SEMA6B: variants seen among roughly 807,000 people sequenced by gnomAD.
SEMA6B encodes the protein semaphorin-6B.
In SEMA6B, 47 loss-of-function variants were observed where a neutral mutation model predicts 78.6. The observed-to-expected ratio is 0.60, with a 90% confidence interval of 0.47 to 0.76. The LOEUF is 0.76. Among genes scored for constraint, SEMA6B ranks in the 30% least tolerant of loss-of-function variants. The probability of loss-of-function intolerance (pLI) is 0.00; values close to 1 mark genes in which losing one functional copy is unlikely to be tolerated. For missense variants in SEMA6B, 1,213 were observed against 1,269.9 expected (o/e 0.96, Z 0.68); for synonymous variants, 632 against 592.2 (o/e 1.07, Z -0.98).
intron 12 of SEMA6B, among the ~76,000 whole-genome samples, chr19:4,548,702 CT>C (rs1385899812): frequency 6.6e-6 from 1 of 152,252 alleles, no homozygotes; most frequent in East Asian, 1.9e-4. Flanking sequence ...GAGTCTCACT[CT>C]GTCACCCAGG....
chr19:4,558,158 G>A lies in SEMA6B; in HGVS notation c.122-9C>T. 1 of 1,451,862 alleles carries A rather than the reference G, an allele frequency of 6.9e-7. No homozygotes were observed. Among genetic ancestry groups the A allele is most frequent in the South Asian group, 1.4e-5 (1 of 69,160 alleles). The allele number at this position is 1,451,862 out of a possible 1,614,324, so 89.9% of individuals were successfully genotyped here. A position where few individuals can be genotyped will look rare whatever the true frequency, so the allele number is the denominator to read the frequency against. ...GGGATAGTGGTTCAGGTCTGAGTGA[G>A]GGGGTGGAGAGGGGTGTGAGCAAGG... On this transcript the variant is annotated splice_polypyrimidine_tract_variant and intron_variant, in intron 2 of 16. Coordinates refer to ENST00000586582, the MANE Select transcript of SEMA6B (RefSeq NM_032108.4). This position sits in a 1 kb window ranked among gnomAD's most constrained non-coding sequence, Gnocchi z 5.1.
At position 4,555,831 on chromosome 19, in the gene SEMA6B, A is replaced by G. The variant is rs769331085; in HGVS notation, c.471+157T>C. ...TACAGGCCTCGTTTGGACAGCGCTG[A>G]CTCCTCTTGAGCTCAGGGGGAGGAG... On this transcript the variant is annotated intron_variant, in intron 6 of 16. Coordinates refer to ENST00000586582, the MANE Select transcript of SEMA6B (RefSeq NM_032108.4). This position sits in a 1 kb window ranked among gnomAD's most constrained non-coding sequence, Gnocchi z 6.1. Among the ~76,000 whole-genome samples, 27 of 151,946 alleles carry G rather than the reference A, an allele frequency of 1.8e-4. No individual in the cohort carries two copies. The highest frequency in any genetic ancestry group is 3.7e-4 in the Non-Finnish European group (25 of 67,990).
At chr19:4,554,549 G>A (rs759593044) in intron 8 of SEMA6B, 73 bp from the exon 9 acceptor site, 9 of 1,173,772 alleles carry the variant, frequency 7.7e-6, no homozygotes, top group Non-Finnish European at 1.1e-5. Flanking sequence ...GAACTCACTG[G>A]CTTTTATGGT....
At chr19:4,546,696 T>C (rs1007243169) in intron 14 of SEMA6B, among the ~76,000 whole-genome samples, 1 of 151,982 alleles carries the variant, frequency 6.6e-6, no homozygotes, top group Non-Finnish European at 1.5e-5. Flanking sequence ...GGGATTTTGG[T>C]TCACTGCAAC....
intron 14 of SEMA6B, among the ~76,000 whole-genome samples, chr19:4,547,073 C>G (rs1977188356): frequency 6.6e-6 from 1 of 152,078 alleles, no homozygotes; most frequent in African/African-American, 2.4e-5. Context: ...GATCCTCCTG[C>G]CTCAGCTTTC....
intron 10 of SEMA6B, 128 bp from the exon 11 acceptor site, chr19:4,551,058 G>A: frequency 9.6e-7 from 1 of 1,036,802 alleles, no homozygotes; most frequent in South Asian, 1.5e-5. Flanking sequence ...GATGTCCCCT[G>A]TCCCTCCCGC....
Position 4,555,109 on chromosome 19 carries a change from GT to G in SEMA6B, c.563-15del. ...AGAGCATCCCGTCTGGATGGGGTGG[GT>G]GGGGAAGGCAGGCAAGAGATGAGAC... On this transcript the variant is annotated splice_polypyrimidine_tract_variant and intron_variant, in intron 7 of 16. Transcript: ENST00000586582. This position sits in a 1 kb window ranked among gnomAD's most constrained non-coding sequence, Gnocchi z 6.1. 1 of 1,613,326 alleles carries G rather than the reference GT, an allele frequency of 6.2e-7. No homozygotes were observed. The highest frequency in any genetic ancestry group is 8.5e-7 in the Non-Finnish European group (1 of 1,179,878).
Position 4,548,086 on chromosome 19 carries a change from G to A in SEMA6B, c.1542C>T (p.Phe514=). 1 of 1,592,282 alleles carries A rather than the reference G, an allele frequency of 6.3e-7. No homozygotes were observed. The highest frequency in any genetic ancestry group is 1.1e-5 in the South Asian group (1 of 90,104). ...DAASGGLLAA[F]PRCVVRVPVA... is the part of the protein sequence containing the mutation. ...CAGGCACTCGGACCACGCAGCGGGG[G>A]AAGGCAGCCAGCAGGCCCCCCGAAG... Residue 514 remains phenylalanine (F), a synonymous_variant, in exon 14 of 17, where the codon TTC becomes TTT. Coordinates refer to ENST00000586582, the MANE Select transcript of SEMA6B (RefSeq NM_032108.4).
Position 4,542,799 on chromosome 19 carries a change from G to A in SEMA6B, c.*802C>T, listed in dbSNP as rs779599144. 2.4e-5 allele frequency: 17 copies of A among 700,758 alleles called. No individual in the cohort carries two copies. The highest frequency in any genetic ancestry group is 1.2e-4 in the Admixed American group (6 of 49,948). 43.4% of individuals were successfully genotyped at this position (700,758 alleles called of 1,614,324 possible). ...CCCACCCACCTTCGCCGCCCCCCAG[G>A]CCCCCAAGCCCTTTAGACAGCTGCT... On this transcript the variant is annotated 3_prime_UTR_variant, in exon 17 of 17. Transcript: ENST00000586582.
In SEMA6B at chr19:4,548,590, C is replaced by T. The variant is rs79073239; in HGVS notation, c.1272-145G>A. 4,646 of 759,722 alleles carry T rather than the reference C, an allele frequency of 6.1e-3. 147 individuals are homozygous for T. The African/African-American group carries it at 0.072, about 12-fold the overall frequency. The allele number at this position is 759,722 out of a possible 1,614,324, so 47.1% of individuals were successfully genotyped here. On this transcript the variant is annotated intron_variant, in intron 12 of 16. Transcript: ENST00000586582. The stretch of plus-strand genomic sequence containing the variant: ...AATAAATGCGTGTGTGCATGGATGC[C>T]GGGGACATGCGTGACTACACAGGCA...
At position 4,552,247 on chromosome 19, in the gene SEMA6B, G is replaced by A. The variant is rs1306676598; in HGVS notation, c.989+175C>T. ...TCTTTGGCCCAGTTCTGACCAAAGG[G>A]ACTTAGAGGGTCAGTGTCAGCTTGT... On this transcript the variant is annotated intron_variant, in intron 10 of 16. Coordinates refer to ENST00000586582, the MANE Select transcript of SEMA6B (RefSeq NM_032108.4). This position sits in a 1 kb window ranked among gnomAD's most constrained non-coding sequence, Gnocchi z 7.4. Among the ~76,000 whole-genome samples, 1 of 152,164 alleles carries A rather than the reference G, an allele frequency of 6.6e-6. No individual in the cohort carries two copies. Among genetic ancestry groups the A allele is most frequent in the Non-Finnish European group, 1.5e-5 (1 of 68,028 alleles).
In SEMA6B at chr19:4,550,766, G is replaced by C. The variant is rs201715668; in HGVS notation, c.1121+33C>G. On this transcript the variant is annotated intron_variant, in intron 11 of 16. Coordinates refer to ENST00000586582, the MANE Select transcript of SEMA6B (RefSeq NM_032108.4). This position sits in a 1 kb window ranked among gnomAD's most constrained non-coding sequence, Gnocchi z 6.6. ...GGCCCTGGGGATCAGGACCTCATCCGGGCATGTGACTCAGGATGGAGGGGG... is the reference window on the plus strand; with the variant it reads ...GGCCCTGGGGATCAGGACCTCATCCCGGCATGTGACTCAGGATGGAGGGGG... 6.2e-7 allele frequency: 1 copy of C among 1,610,854 alleles called. No individual in the cohort carries two copies. Among genetic ancestry groups the C allele is most frequent in the African/African-American group, 1.3e-5 (1 of 74,846 alleles).
rs1395836330 is a variant in SEMA6B, at chr19:4,543,781, C to T, written c.2487G>A (p.Leu829=). Residue 829 remains leucine (L), a synonymous_variant, in exon 17 of 17, where the codon CTG becomes CTA. Coordinates refer to ENST00000586582, the MANE Select transcript of SEMA6B (RefSeq NM_032108.4). The stretch of plus-strand genomic sequence containing the variant: ...GGGCGTGGGGGCCCAGTGGCCTCCT[C>T]AGGCTGCCCGTCGGGGGCGGGCTCC... ...RPWSPPPTGS[L]RRPLGPHAPP... 1 of 1,221,212 alleles carries T rather than the reference C, an allele frequency of 8.2e-7. No homozygotes were observed. The highest frequency in any genetic ancestry group is 4.3e-5 in the Admixed American group (1 of 23,218). The allele number at this position is 1,221,212 out of a possible 1,614,324, so 75.6% of individuals were successfully genotyped here. A position where few individuals can be genotyped will look rare whatever the true frequency, so the allele number is the denominator to read the frequency against.
chr19:4,554,323 C>G (rs1181936731), intron 9 of SEMA6B, 65 bp downstream of exon 9: 1 of 1,304,600 alleles, frequency 7.7e-7, no homozygotes, highest in Non-Finnish European at 1.1e-6. Flanking sequence ...CATGGATCCA[C>G]CTCTGCCCCC....
In SEMA6B at chr19:4,555,866, G is replaced by A. The variant is rs1977453925; in HGVS notation, c.471+122C>T. 3 of 805,312 alleles carry A rather than the reference G, an allele frequency of 3.7e-6. No homozygotes were observed. Among genetic ancestry groups the A allele is most frequent in the East Asian group, 2.5e-5 (1 of 40,586 alleles). 49.9% of individuals were successfully genotyped at this position (805,312 alleles called of 1,614,324 possible). Reference sequence around the variant, plus strand: ...AGCTCAGGGGGAGGAGGCAGGGAGAGTATATCCAGGAAGGCTTCCTGGAGG... The same window carrying A: ...AGCTCAGGGGGAGGAGGCAGGGAGAATATATCCAGGAAGGCTTCCTGGAGG... On this transcript the variant is annotated intron_variant, in intron 6 of 16. Coordinates refer to ENST00000586582, the MANE Select transcript of SEMA6B (RefSeq NM_032108.4). This position sits in a 1 kb window ranked among gnomAD's most constrained non-coding sequence, Gnocchi z 6.1.
At chr19:4,557,927 C>A (rs1017211157) in intron 3 of SEMA6B, 99 bp downstream of exon 3, 27 of 1,082,500 alleles carry the variant, frequency 2.5e-5, no homozygotes, top group Non-Finnish European at 3.2e-5. Flanking sequence ...ACAGGCCCTG[C>A]ACGACCTGCT....
rs1977304609 is a variant in SEMA6B at position 4,550,647 on chromosome 19, A to C, written c.1121+152T>G. On this transcript the variant is annotated intron_variant, in intron 11 of 16. Transcript: ENST00000586582. This position sits in a 1 kb window ranked among gnomAD's most constrained non-coding sequence, Gnocchi z 6.6. Reference sequence around the variant, plus strand: ...CCAAAGGGCTAGGATTACAGGCGTGAGCCACCACACCAGGCCTCAGTTTTT... The same window carrying C: ...CCAAAGGGCTAGGATTACAGGCGTGCGCCACCACACCAGGCCTCAGTTTTT... 1.0e-6 allele frequency: 1 copy of C among 964,444 alleles called. No individual in the cohort carries two copies. Among genetic ancestry groups the C allele is most frequent in the Middle Eastern group, 3.3e-4 (1 of 3,010 alleles). 59.7% of individuals were successfully genotyped at this position (964,444 alleles called of 1,614,324 possible). A position where few individuals can be genotyped will look rare whatever the true frequency, so the allele number is the denominator to read the frequency against.
rs200122401 is a variant in SEMA6B at position 4,548,054 on chromosome 19, C to T, written c.1574G>A (p.Arg525His). Residue 525 changes from arginine (R) to histidine (H), a missense_variant, in exon 14 of 17, where the codon CGC (arginine) becomes CAC (histidine). Physicochemically the swap from Arg to His is conservative, Grantham distance 29. Coordinates refer to ENST00000586582, the MANE Select transcript of SEMA6B (RefSeq NM_032108.4). The part of the protein sequence containing the change: ...PRCVVRVPVA[R>H]CQQYSGCMKN... ...CATACACCCCGAGTACTGCTGGCAG[C>T]GAGCCACAGGCACTCGGACCACGCA... 4.5e-6 allele frequency: 7 copies of T among 1,572,564 alleles called. No individual in the cohort carries two copies. The highest frequency in any genetic ancestry group is 1.1e-5 in the South Asian group (1 of 88,216).
intron 3 of SEMA6B, 68 bp downstream of exon 3, chr19:4,557,958 C>G: frequency 7.9e-7 from 1 of 1,264,162 alleles, no homozygotes; most frequent in Non-Finnish European, 1.0e-6. Context: ...CCTGCCCTCG[C>G]CTCCTCTCTC....
Sources: gnomAD v4.1 joint callset for allele counts (sites outside exome capture counted in the v4.1 genomes callset) on GRCh38, gnomAD v4.1.1 for gene constraint, Gnocchi (gnomAD v3.1) non-coding constraint, MANE v1.5 for transcripts, NCBI Gene and HGNC (gene_info 2026-07-23, HGNC 2026-07-21) for gene names.